Variants in MKNK1 observed in about 807,000 individuals in gnomAD.
MKNK1 encodes MAP kinase-interacting serine/threonine-protein kinase 1.
MKNK1 carries 30 observed loss-of-function variants against 49.3 expected under a neutral mutation model. The observed-to-expected ratio is 0.61, with a 90% CI of 0.46 to 0.83. MKNK1 has a LOEUF of 0.83. MKNK1 is among the 40% of genes least tolerant of loss of function. The pLI is 0.00. For missense variants in MKNK1, 423 were observed against 524.7 expected, an observed-to-expected ratio of 0.81 and a Z score of 1.89; for synonymous variants, 176 against 201.7, an observed-to-expected ratio of 0.87 and a Z score of 1.08.
chr1:46,562,707 A>G lies in MKNK1; in HGVS notation c.746T>C (p.Val249Ala). 4 of 1,581,848 alleles carry G rather than the reference A, an allele frequency of 2.5e-6. No homozygotes were observed. Among genetic ancestry groups the G allele is most frequent in the Non-Finnish European group, 3.4e-6 (4 of 1,162,756 alleles). ...GCCACAGTCGGCCCCGCAGTGACCC[A>G]CGAAGGGTGGGTAGCCACTCAGCAT... The part of the protein sequence containing the change: ...YIMLSGYPPF[V>A]GHCGADCGWD... Residue 249 changes from valine (V) to alanine (A), a missense_variant, in exon 10 of 13, where the codon GTG (valine) becomes GCG (alanine). Physicochemically the swap from Val to Ala is moderately conservative, Grantham distance 64. Coordinates refer to ENST00000371945, the MANE Select transcript of MKNK1 (RefSeq NM_001135553.4).
At chr1:46,593,764 G>A (rs534729492) in intron 2 of MKNK1, 1 of 160,926 alleles carries the variant, frequency 6.2e-6, no homozygotes, top group African/African-American at 2.4e-5. Flanking sequence ...GCTGAGGCAG[G>A]AGAATCGCTT....
intron 6 of MKNK1, among the ~76,000 whole-genome samples, chr1:46,572,715 A>C (rs1670377260): frequency 6.6e-6 from 1 of 152,154 alleles, no homozygotes. Flanking sequence ...CAGAAGCGAG[A>C]GAGAACAACT....
intron 6 of MKNK1, among the ~76,000 whole-genome samples, chr1:46,573,446 T>G (rs2148650889): frequency 6.6e-6 from 1 of 152,302 alleles, no homozygotes; most frequent in Admixed American, 6.5e-5. Context: ...CTTGGCTTCA[T>G]GTGGTTTATG....
chr1:46,563,048 G>C, intron 9 of MKNK1: 2 of 543,392 alleles, frequency 3.7e-6, no homozygotes, highest in Non-Finnish European at 6.4e-6. Flanking sequence ...CCATCATCCA[G>C]AGGAGCAGTT....
chr1:46,575,138 A>G, intron 5 of MKNK1, 118 bp from the exon 6 acceptor site: 1 of 645,118 alleles, frequency 1.6e-6, no homozygotes, highest in South Asian at 2.1e-5. Context: ...GGCAGAAACC[A>G]ACTTGAAATC....
chr1:46,592,167 G>A (rs994025514), intron 2 of MKNK1, among the ~76,000 whole-genome samples: 4 of 152,198 alleles, frequency 2.6e-5, no homozygotes, highest in Admixed American at 2.0e-4. Context: ...TTGAACCCGG[G>A]AGGCGGAGGT....
intron 2 of MKNK1, among the ~76,000 whole-genome samples, chr1:46,588,051 A>G (rs911977143): frequency 1.3e-5 from 2 of 152,226 alleles, no homozygotes; most frequent in Admixed American, 1.3e-4. Context: ...TATTTTTGCC[A>G]TATTTCAGGT....
chr1:46,571,917 A>G (rs1001668537), intron 7 of MKNK1, 146 bp downstream of exon 7: 2 of 686,090 alleles, frequency 2.9e-6, no homozygotes, highest in Non-Finnish European at 5.0e-6. Flanking sequence ...TTCTCCCTCA[A>G]CTCCCATGGG....
intron 6 of MKNK1, chr1:46,574,045 T>C (rs1380713925): frequency 1.3e-5 from 2 of 152,224 alleles, no homozygotes; most frequent in Non-Finnish European, 2.9e-5. Flanking sequence ...CTCTACATAC[T>C]TCTAAGACAT....
intron 3 of MKNK1, 49 bp downstream of exon 3, chr1:46,583,179 C>T (rs1297746539): frequency 1.4e-6 from 2 of 1,469,586 alleles, no homozygotes; most frequent in African/African-American, 1.4e-5. Flanking sequence ...ATGCTCCTCC[C>T]ATGCTTGGGA....
intron 9 of MKNK1, among the ~76,000 whole-genome samples, chr1:46,563,914 G>A (rs1177585642): frequency 6.6e-6 from 1 of 151,592 alleles, no homozygotes; most frequent in Non-Finnish European, 1.5e-5. Context: ...GCGTGGTGGC[G>A]GGCGCCTGTA....
chr1:46,558,668 C>G lies in MKNK1; in HGVS notation c.1146G>C (p.Lys382Asn), dbSNP rs1667381223. The change falls in exon 13 of 13, where the codon AAG becomes AAC. Residue 382 changes from lysine (K) to asparagine (N), a missense_variant. Physicochemically the swap from Lys to Asn is moderately conservative, Grantham distance 94 (BLOSUM62 0). Transcript: ENST00000371945. ...GGCGTGACTTGCAGGGAGGGGAAAG[C>G]TTCATGGAGCAGAGGCCATCAGCTA... ...EALADGLCSM[K>N]LSPPCKSRLA... 6.2e-7 allele frequency: 1 copy of G among 1,614,218 alleles called. No homozygotes were observed. Among genetic ancestry groups the G allele is most frequent in the Non-Finnish European group, 8.5e-7 (1 of 1,180,038 alleles).
intron 7 of MKNK1, among the ~76,000 whole-genome samples, chr1:46,571,144 TAATC>T (rs1670050260): frequency 6.6e-6 from 1 of 152,258 alleles, no homozygotes; most frequent in Non-Finnish European, 1.5e-5. Flanking sequence ...AGTTCCTGAA[TAATC>T]AGTCATAGGA....
chr1:46,568,827 G>A (rs1231243205), intron 7 of MKNK1: 1 of 272,324 alleles, frequency 3.7e-6, no homozygotes, highest in Non-Finnish European at 6.9e-6. Flanking sequence ...CTCTGCAAAC[G>A]GCAATGCTTG....
chr1:46,588,689 C>T (rs1029082001), intron 2 of MKNK1, among the ~76,000 whole-genome samples: 6 of 152,052 alleles, frequency 3.9e-5, no homozygotes, highest in African/African-American at 1.4e-4. Context: ...CGCCTGTAGT[C>T]CCAGCTATTC....
At chr1:46,564,262 G>A (rs1232417107) in intron 9 of MKNK1, among the ~76,000 whole-genome samples, 1 of 151,754 alleles carries the variant, frequency 6.6e-6, no homozygotes, top group Non-Finnish European at 1.5e-5. Context: ...AGACCTCACA[G>A]TTCCCACCAC....
chr1:46,602,214 C>A (rs960128127), intron 1 of MKNK1, among the ~76,000 whole-genome samples: 1 of 152,216 alleles, frequency 6.6e-6, no homozygotes, highest in Non-Finnish European at 1.5e-5. Flanking sequence ...AAGTTTGAAT[C>A]CAGCCTGGCC....
At chr1:46,571,350 C>T in intron 7 of MKNK1, 1 of 253,312 alleles carries the variant, frequency 3.9e-6, no homozygotes, top group South Asian at 3.4e-5. Context: ...TTGAGACCAG[C>T]CTGGGCAACA....
intron 7 of MKNK1, chr1:46,568,783 A>C: frequency 2.3e-6 from 1 of 441,742 alleles, no homozygotes. Context: ...AGTGACCACC[A>C]AGAAGAAGGC....
Sources: allele counts gnomAD v4.1 joint callset (sites outside exome capture counted in the v4.1 genomes callset), GRCh38; gene constraint gnomAD v4.1.1; transcripts MANE v1.5; gene names NCBI Gene and HGNC (gene_info 2026-07-23, HGNC 2026-07-21).